ZNF331: variants seen among roughly 807,000 people sequenced by gnomAD.
ZNF331 encodes C2H2-like zinc finger protein rearranged in thyroid adenomas.
In ZNF331, 2 loss-of-function variants were observed where a neutral mutation model predicts 7.0. The ratio of observed to expected loss-of-function variants is 0.29; its 90% CI spans 0.12 to 0.90. ZNF331 has a LOEUF of 0.90. Ranked by LOEUF, ZNF331 falls within the 40% of genes least tolerant of loss-of-function variation. The probability of loss-of-function intolerance (pLI) is 0.58; values close to 1 mark genes in which losing one functional copy is unlikely to be tolerated. For missense variants in ZNF331, 432 were observed against 587.7 expected, an observed-to-expected ratio of 0.74 and a Z score of 2.74; for synonymous variants, 196 against 205.4, an observed-to-expected ratio of 0.95 and a Z score of 0.39.
Position 53,538,188 on chromosome 19 carries a change from C to T in ZNF331, c.-313C>T, listed in dbSNP as rs113983639. ...GAGGCTGACGCGGCGGCCCTGTCCC[C>T]GTAACTGTGACACGGGTGCACGCGA... On this transcript the variant is annotated 5_prime_UTR_variant, in exon 1 of 6. Coordinates refer to ENST00000449416, the MANE Select transcript of ZNF331 (RefSeq NM_001079906.2). 18,292 of 152,140 alleles carry T rather than the reference C, an allele frequency of 0.12. 1,146 individuals carry two copies. Among genetic ancestry groups the T allele is most frequent in the East Asian group, 0.18 (908 of 5,132 alleles). 9.4% of individuals were successfully genotyped at this position (152,140 alleles called of 1,614,324 possible). A position where few individuals can be genotyped will look rare whatever the true frequency, so the allele number is the denominator to read the frequency against.
chr19:53,553,360 G>A (rs1020368956), intron 2 of ZNF331, among the ~76,000 whole-genome samples: 1 of 151,646 alleles, frequency 6.6e-6, no homozygotes, highest in African/African-American at 2.4e-5. Context: ...CATTGTGAAT[G>A]TCCTGGCGGT....
intron 2 of ZNF331, among the ~76,000 whole-genome samples, chr19:53,541,347 C>G (rs558144170): frequency 3.3e-5 from 5 of 152,176 alleles, no homozygotes; most frequent in African/African-American, 1.2e-4. Context: ...CTCAGGTGCT[C>G]TGCCTGCCTC....
chr19:53,505,782 C>T, the ZNF331 span, among the ~76,000 whole-genome samples: 2 of 151,878 alleles, frequency 1.3e-5, no homozygotes, highest in African/African-American at 2.4e-5. Flanking sequence ...GTCAAGAGAT[C>T]GAGACCATCC....
At chr19:53,533,116 T>TTCTTTTTTTTTTTTTTTTTTTTTTTTTTG (rs1555752196) in intron 2 of ZNF331, among the ~76,000 whole-genome samples, 1 of 151,594 alleles carries the variant, frequency 6.6e-6, no homozygotes, top group Non-Finnish European at 1.5e-5. Flanking sequence ...TCTCCTTTCT[T>TTCTTTTTTTTTTTTTTTTTTTTTTTTTTG]AATGTAGGTG....
chr19:53,520,562 C>G (rs1249906331), upstream of ZNF331, among the ~76,000 whole-genome samples: 1 of 152,082 alleles, frequency 6.6e-6, no homozygotes, highest in South Asian at 2.1e-4. Context: ...CTGAAATACG[C>G]TTTCCCAGAA....
chr19:53,539,810 G>A lies in ZNF331; in HGVS notation c.-138+528G>A, dbSNP rs929140018. Among the ~76,000 whole-genome samples the A allele has an allele frequency of 2.6e-5, 4 of 152,154 alleles. No individual in the cohort carries two copies. The highest frequency in any genetic ancestry group is 4.4e-5 in the Non-Finnish European group (3 of 68,024). On this transcript the variant is annotated intron_variant, in intron 2 of 5. Transcript: ENST00000449416. The surrounding 1 kb of genome is among the most constrained non-coding windows in gnomAD (Gnocchi z 6.1). Reference sequence around the variant, plus strand: ...CATTTAGACCCATTGGTCTACAATCGAAGGCTGTGTACCTTGACCACAATT... The same window carrying A: ...CATTTAGACCCATTGGTCTACAATCAAAGGCTGTGTACCTTGACCACAATT...
rs567240405 is a variant in ZNF331 at position 53,578,003 on chromosome 19, C to A, written c.*51C>A. The A allele has an allele frequency of 6.7e-5, 103 of 1,539,772 alleles. No individual in the cohort carries two copies. In the East Asian group the frequency reaches 2.2e-3, roughly 33 times the overall value. ...CTCGTATCTATGGTTTCGCTTTCCA[C>A]AGTTTGTTACCTGCAGTCAACTGCA... is the stretch of plus-strand genomic sequence containing the variant. On this transcript the variant is annotated 3_prime_UTR_variant, in exon 6 of 6. Coordinates refer to ENST00000449416, the MANE Select transcript of ZNF331 (RefSeq NM_001079906.2).
chr19:53,523,274 A>C (rs1168956837), intron 2 of ZNF331: 1 of 151,576 alleles, frequency 6.6e-6, no homozygotes, highest in Non-Finnish European at 1.5e-5. Context: ...GCTGGAGTGC[A>C]ATGGCATGAT....
rs537463625 is a variant in ZNF331 at position 53,526,100 on chromosome 19, C to T, written c.-205+3416C>T. 7.9e-5 allele frequency among the ~76,000 whole-genome samples: 12 copies of T among 152,310 alleles called. No homozygotes were observed. In the East Asian group the frequency reaches 2.1e-3, roughly 27 times the overall value. On this transcript the variant is annotated intron_variant, in intron 2 of 6. Transcript: ENST00000253144. ...GATTTATAGATTTGTATATGTTGAA[C>T]CATCCTTGCATTCCTGGGATAAATC...
intron 2 of ZNF331, among the ~76,000 whole-genome samples, chr19:53,548,252 C>T (rs755161268): frequency 3.3e-5 from 5 of 152,032 alleles, no homozygotes; most frequent in Admixed American, 2.0e-4. Context: ...GGATTACAGG[C>T]GCGTGCCACC....
chr19:53,578,483 A>C lies in ZNF331; in HGVS notation c.*531A>C, dbSNP rs372496277. The C allele has an allele frequency of 4.4e-6, 1 of 227,010 alleles. No homozygotes were observed. The allele number at this position is 227,010 out of a possible 1,614,324, so 14.1% of individuals were successfully genotyped here. On this transcript the variant is annotated 3_prime_UTR_variant, in exon 6 of 6. Coordinates refer to ENST00000449416, the MANE Select transcript of ZNF331 (RefSeq NM_001079906.2). ...AGATACGTTCACATAATTTTATTAC[A>C]TATATTGTTACAATTGTTCTATTTT...
chr19:53,554,215 G>C (rs2089205365), intron 2 of ZNF331, among the ~76,000 whole-genome samples: 1 of 152,216 alleles, frequency 6.6e-6, no homozygotes, highest in African/African-American at 2.4e-5. Context: ...CTTCGGGAGA[G>C]GCCAAAGAAG....
At chr19:53,534,128 G>T (rs2087647493), upstream of ZNF331, among the ~76,000 whole-genome samples, 1 of 152,126 alleles carries the variant, frequency 6.6e-6, no homozygotes, top group African/African-American at 2.4e-5. Context: ...AAGATCAGGG[G>T]GTGACATCTT....
At chr19:53,529,886 C>A (rs1259985828) in intron 2 of ZNF331, among the ~76,000 whole-genome samples, 1 of 152,098 alleles carries the variant, frequency 6.6e-6, no homozygotes, top group Admixed American at 6.6e-5. Context: ...AGGTGATGTA[C>A]CTTGAGAGGT....
upstream of ZNF331, among the ~76,000 whole-genome samples, chr19:53,537,919 C>T (rs533248547): frequency 1.3e-5 from 2 of 151,918 alleles, no homozygotes; most frequent in African/African-American, 2.4e-5. Flanking sequence ...CGCACACGCC[C>T]GTCAGGGTCT....
At chr19:53,543,652 T>C (rs565490053) in intron 2 of ZNF331, among the ~76,000 whole-genome samples, 8 of 152,222 alleles carry the variant, frequency 5.3e-5, no homozygotes, top group Non-Finnish European at 1.2e-4. Flanking sequence ...CGACATGAGT[T>C]GGTCTTCAAT....
chr19:53,532,519 C>T (rs1261280771), intron 2 of ZNF331, among the ~76,000 whole-genome samples: 1 of 151,704 alleles, frequency 6.6e-6, no homozygotes, highest in Non-Finnish European at 1.5e-5. Flanking sequence ...TTTTTGTTTC[C>T]CCCTGGGGTA....
At chr19:53,529,401 T>TAA (rs61435436) in intron 2 of ZNF331, among the ~76,000 whole-genome samples, 1 of 144,982 alleles carries the variant, frequency 6.9e-6, no homozygotes, top group African/African-American at 2.5e-5. Context: ...CTCTGTCTTT[T>TAA]AAAAAAAAAA....
intron 2 of ZNF331, among the ~76,000 whole-genome samples, chr19:53,531,216 A>G (rs2087525538): frequency 6.6e-6 from 1 of 152,226 alleles, no homozygotes. Flanking sequence ...CGTTTTATTC[A>G]TTAAATGATT....
Sources: gnomAD v4.1 joint callset for allele counts (sites outside exome capture counted in the v4.1 genomes callset) on GRCh38, gnomAD v4.1.1 for gene constraint, Gnocchi (gnomAD v3.1) non-coding constraint, MANE v1.5 for transcripts, NCBI Gene and HGNC (gene_info 2026-07-23, HGNC 2026-07-21) for gene names.